MYO9B: variants seen among roughly 807,000 people sequenced by gnomAD.
The protein encoded by MYO9B is unconventional myosin-IXb.
A neutral mutation model predicts 229.5 loss-of-function variants in MYO9B; 71 were observed. That is an observed-to-expected ratio of 0.31 (90% CI 0.26 to 0.38). The LOEUF (loss-of-function observed/expected upper bound fraction) is 0.38, where lower values mean the gene tolerates loss of function less well. MYO9B is among the 10% of genes least tolerant of loss of function. The pLI is 1.00. For synonymous variants in MYO9B, 1,185 were observed against 1,235.8 expected (o/e 0.96, Z 0.86); for missense variants, 2,255 against 2,920.5 (o/e 0.77, Z 5.25).
intron 14 of MYO9B, 115 bp downstream of exon 14, chr19:17,175,856 G>A (rs962047477): frequency 1.2e-6 from 1 of 826,096 alleles, no homozygotes; most frequent in African/African-American, 1.9e-5. Flanking sequence ...TTTTGAGATG[G>A]AATTTCGCTC....
chr19:17,094,273 G>C (rs918650955), intron 1 of MYO9B, among the ~76,000 whole-genome samples: 2 of 148,126 alleles, frequency 1.4e-5, no homozygotes, highest in African/African-American at 5.1e-5. Flanking sequence ...AACCTCAGGT[G>C]ATCTGCCCAC....
chr19:17,122,880 G>A (rs77829688), intron 2 of MYO9B, among the ~76,000 whole-genome samples: 4,662 of 152,292 alleles, frequency 0.031, 236 homozygotes, highest in African/African-American at 0.1. Context: ...AAGCTCACTT[G>A]AAGCCAGGAG....
At chr19:17,096,700 TTGTTGG>T (rs748235140) in intron 1 of MYO9B, among the ~76,000 whole-genome samples, 32,769 of 84,462 alleles carry the variant, frequency 0.39, 5,775 homozygotes, top group African/African-American at 0.47. Context: ...GTTGTTGTTG[TTGTTGG>T]TTTTTTTTTT....
rs2057754237 is a variant in MYO9B at position 17,102,463 on chromosome 19, C to T, written c.746C>T (p.Thr249Ile). Residue 249 changes from threonine (T) to isoleucine (I), a missense_variant, in exon 2 of 40, where the codon ACC (threonine) becomes ATC (isoleucine). Physicochemically the swap from Thr to Ile is moderately conservative, Grantham distance 89 (BLOSUM62 -1). Coordinates refer to ENST00000682292, the MANE Select transcript of MYO9B (RefSeq NM_004145.4). ...GESGSGKTQSTNFLIHCLTAL... is the reference protein window; with the variant it reads ...GESGSGKTQSINFLIHCLTAL... ...AGCGGCTCCGGCAAGACCCAGAGCA[C>T]CAACTTCCTCATCCACTGCCTCACC... The T allele has an allele frequency of 1.2e-6, 2 of 1,613,822 alleles. No homozygotes were observed. The highest frequency in any genetic ancestry group is 1.7e-6 in the Non-Finnish European group (2 of 1,179,894).
At chr19:17,108,567 C>CA in intron 2 of MYO9B, among the ~76,000 whole-genome samples, 1 of 151,436 alleles carries the variant, frequency 6.6e-6, no homozygotes, top group East Asian at 1.9e-4. Flanking sequence ...AATAGCTTCC[C>CA]GTTGTCCCCT....
At chr19:17,082,498 C>T (rs1161853287) in intron 1 of MYO9B, among the ~76,000 whole-genome samples, 2 of 152,086 alleles carry the variant, frequency 1.3e-5, no homozygotes, top group East Asian at 1.9e-4. Context: ...CACGAGGAGG[C>T]GTCTGCCACC....
At chr19:17,184,730 C>T in intron 16 of MYO9B, 135 bp from the exon 17 acceptor site, 1 of 1,193,570 alleles carries the variant, frequency 8.4e-7, no homozygotes. Context: ...GGTCCTGAGA[C>T]CAAACCTAAG....
At chr19:17,183,274 C>T (rs1234129714) in intron 15 of MYO9B, among the ~76,000 whole-genome samples, 1 of 152,186 alleles carries the variant, frequency 6.6e-6, no homozygotes, top group Non-Finnish European at 1.5e-5. Context: ...AGCTCCCACC[C>T]AGGCCCCATT....
intron 1 of MYO9B, among the ~76,000 whole-genome samples, chr19:17,081,714 CAGA>C (rs1236432530): frequency 1.4e-5 from 2 of 147,576 alleles, no homozygotes; most frequent in African/African-American, 5.0e-5. Context: ...GTGGCTGAGG[CAGA>C]AGAATTGCTT....
chr19:17,099,528 A>C (rs575677391), intron 1 of MYO9B, among the ~76,000 whole-genome samples: 2 of 151,998 alleles, frequency 1.3e-5, no homozygotes, highest in African/African-American at 4.8e-5. Context: ...GGATCGTTTG[A>C]GCTTAGGAGT....
At chr19:17,168,260 G>T (rs116060159) in intron 11 of MYO9B, among the ~76,000 whole-genome samples, 196 bp downstream of exon 11, 4,918 of 152,232 alleles carry the variant, frequency 0.032, 265 homozygotes, top group African/African-American at 0.11. Flanking sequence ...GACCTCCTGG[G>T]CTCAAGTGAT....
intron 5 of MYO9B, 95 bp from the exon 6 acceptor site, chr19:17,154,219 TG>T: frequency 1.5e-6 from 2 of 1,377,762 alleles, no homozygotes; most frequent in South Asian, 1.2e-5. Context: ...CCCCTGGTCC[TG>T]GGGCCCTGCC....
At chr19:17,164,279 TG>T (rs2072635646) in intron 10 of MYO9B, among the ~76,000 whole-genome samples, 1 of 152,176 alleles carries the variant, frequency 6.6e-6, no homozygotes, top group African/African-American at 2.4e-5. Flanking sequence ...ACAGTTCATG[TG>T]GGGGCTTCTG....
intron 32 of MYO9B, 31 bp downstream of exon 32, chr19:17,206,183 C>T (rs529992220): frequency 1.2e-6 from 2 of 1,607,146 alleles, no homozygotes; most frequent in East Asian, 2.2e-5. Flanking sequence ...GGTGCAGTGC[C>T]AGGCCCCAGG....
intron 1 of MYO9B, among the ~76,000 whole-genome samples, chr19:17,093,359 A>G (rs1600029116): frequency 6.6e-6 from 1 of 151,988 alleles, no homozygotes; most frequent in East Asian, 1.9e-4. Context: ...AAAGACATAT[A>G]TCTTCGGTTT....
chr19:17,078,312 T>C (rs113565412), intron 1 of MYO9B, among the ~76,000 whole-genome samples: 1,929 of 152,166 alleles, frequency 0.013, 53 homozygotes, highest in African/African-American at 0.043. Flanking sequence ...GAGGCCAAGG[T>C]GGGTGGATCA....
At chr19:17,184,634 A>C in intron 16 of MYO9B, 1 of 486,670 alleles carries the variant, frequency 2.1e-6, no homozygotes, top group Non-Finnish European at 3.7e-6. Flanking sequence ...CAGGCTGTGA[A>C]AGAGGCTGTC....
At chr19:17,161,538 A>G (rs1222486569) in intron 8 of MYO9B, among the ~76,000 whole-genome samples, 1 of 151,716 alleles carries the variant, frequency 6.6e-6, no homozygotes, top group Non-Finnish European at 1.5e-5. Flanking sequence ...AATTAAGGCC[A>G]GGCACGGTGG....
intron 1 of MYO9B, among the ~76,000 whole-genome samples, 196 bp downstream of exon 1, chr19:17,076,070 G>C (rs996225856): frequency 6.0e-5 from 9 of 150,842 alleles, no homozygotes; most frequent in African/African-American, 2.2e-4. Context: ...AAGTGGATGG[G>C]GATGGAGCTG....
Sources: allele counts gnomAD v4.1 joint callset (sites outside exome capture counted in the v4.1 genomes callset), GRCh38; gene constraint gnomAD v4.1.1; transcripts MANE v1.5; gene names NCBI Gene and HGNC (gene_info 2026-07-23, HGNC 2026-07-21).